The following ITGAE variants were observed in gnomAD, a reference collection of about 807,000 sequenced individuals.
ITGAE encodes the protein integrin alpha-E.
ITGAE carries 99 observed loss-of-function variants against 136.5 expected under a neutral mutation model. The observed-to-expected ratio is 0.73, with a 90% CI of 0.62 to 0.86. The LOEUF is 0.86. ITGAE is among the 40% of genes least tolerant of loss of function. The pLI, the probability that ITGAE is intolerant of heterozygous loss-of-function variation, is 0.00. For synonymous variants in ITGAE, 613 were observed against 591.8 expected (o/e 1.04, Z -0.52); for missense variants, 1,447 against 1,515.3 (o/e 0.95, Z 0.75).
At chr17:3,719,184 C>T (rs758437051) in intron 29 of ITGAE, among the ~76,000 whole-genome samples, 8 of 136,338 alleles carry the variant, frequency 5.9e-5, no homozygotes, top group Non-Finnish European at 1.2e-4. Context: ...TGCAGTGAGC[C>T]GAGATGGCAC....
intron 10 of ITGAE, 85 bp from the exon 11 acceptor site, chr17:3,755,982 C>T: frequency 7.6e-7 from 1 of 1,313,564 alleles, no homozygotes; most frequent in Non-Finnish European, 1.1e-6. Flanking sequence ...CTTGGCCTCA[C>T]TCCCAGAAGG....
intron 2 of ITGAE, among the ~76,000 whole-genome samples, chr17:3,770,276 T>C (rs1385051790): frequency 2.0e-5 from 3 of 151,474 alleles, no homozygotes; most frequent in African/African-American, 4.8e-5. Flanking sequence ...CCTGCCACCA[T>C]GCCCAGCTAA....
At chr17:3,747,649 G>A (rs1368474142) in intron 17 of ITGAE, among the ~76,000 whole-genome samples, 2 of 152,042 alleles carry the variant, frequency 1.3e-5, no homozygotes, top group Non-Finnish European at 2.9e-5. Flanking sequence ...CTTCAACCCT[G>A]AGGAAGGGCC....
chr17:3,784,165 C>T (rs907043618), intron 1 of ITGAE, among the ~76,000 whole-genome samples: 4 of 151,924 alleles, frequency 2.6e-5, no homozygotes, highest in African/African-American at 7.2e-5. Flanking sequence ...GAGGTTGAGG[C>T]AGGAGAATGG....
chr17:3,753,757 GGGT>G, intron 13 of ITGAE, 23 bp downstream of exon 13: 16 of 1,613,492 alleles, frequency 9.9e-6, no homozygotes, highest in Non-Finnish European at 1.3e-5. Context: ...CGGTCATAAG[GGGT>G]GGAGGCTTTC....
chr17:3,773,489 G>GA lies in ITGAE; in HGVS notation c.155+4050dup, dbSNP rs796977327. 3.5e-3 allele frequency among the ~76,000 whole-genome samples: 433 copies of GA among 122,756 alleles called. 5 individuals are homozygous for GA. Among genetic ancestry groups the GA allele is most frequent in the African/African-American group, 0.012 (404 of 34,066 alleles). The allele number at this position is 122,756 out of a possible 152,430, so 80.5% of individuals were successfully genotyped here. Reference sequence around the variant, plus strand: ...GCAGAGCAAGACTCTGCCTCAAAAAGAAAAAAAAAAGATATTACAAAGGAT... The same window carrying GA: ...GCAGAGCAAGACTCTGCCTCAAAAAGAAAAAAAAAAAGATATTACAAAGGAT... On this transcript the variant is annotated intron_variant, in intron 2 of 30. Coordinates refer to ENST00000263087, the MANE Select transcript of ITGAE (RefSeq NM_002208.5).
intron 1 of ITGAE, chr17:3,784,415 A>T: frequency 4.4e-6 from 1 of 228,694 alleles, no homozygotes; most frequent in South Asian, 4.9e-5. Context: ...TTTTTTTTTG[A>T]GACGGAGTCT....
chr17:3,727,495 G>A (rs2051241281), intron 26 of ITGAE, among the ~76,000 whole-genome samples: 1 of 151,772 alleles, frequency 6.6e-6, no homozygotes, highest in African/African-American at 2.4e-5. Flanking sequence ...CGCCTCCCGG[G>A]CTCACACCAT....
At chr17:3,746,600 C>A (rs1057075013) in intron 17 of ITGAE, among the ~76,000 whole-genome samples, 1 of 152,044 alleles carries the variant, frequency 6.6e-6, no homozygotes, top group African/African-American at 2.4e-5. Flanking sequence ...GGACTACAGG[C>A]GCCCGCCACC....
intron 8 of ITGAE, among the ~76,000 whole-genome samples, chr17:3,758,319 C>T (rs1055574987): frequency 6.6e-5 from 10 of 152,144 alleles, no homozygotes; most frequent in African/African-American, 2.4e-5. Flanking sequence ...GATCATGGCT[C>T]ACTGCATCCT....
At chr17:3,724,856 G>A (rs2051168557) in intron 26 of ITGAE, 2 of 1,613,934 alleles carry the variant, frequency 1.2e-6, no homozygotes, top group Admixed American at 1.7e-5. Context: ...GGCTTCAAGA[G>A]GCCGTCCGGA....
intron 21 of ITGAE, among the ~76,000 whole-genome samples, chr17:3,733,463 C>T (rs1446600948): frequency 6.6e-6 from 1 of 152,134 alleles, no homozygotes; most frequent in Non-Finnish European, 1.5e-5. Context: ...GCTCTGTTGC[C>T]CAGGCTGGAG....
intron 1 of ITGAE, among the ~76,000 whole-genome samples, chr17:3,796,942 G>A (rs946027008): frequency 1.3e-5 from 2 of 151,912 alleles, no homozygotes; most frequent in Non-Finnish European, 2.9e-5. Context: ...AACACCCAGC[G>A]GGGCCTCGTG....
chr17:3,725,710 A>AT (rs1199479648), intron 26 of ITGAE: 8 of 1,574,144 alleles, frequency 5.1e-6, no homozygotes, highest in East Asian at 2.2e-5. Flanking sequence ...GACCGGCCTG[A>AT]TTTTTTTAAA....
At chr17:3,746,973 C>G (rs189022660) in intron 17 of ITGAE, among the ~76,000 whole-genome samples, 48 of 152,350 alleles carry the variant, frequency 3.2e-4, no homozygotes, top group Admixed American at 2.1e-3. Flanking sequence ...TGCTCTCTGA[C>G]TGTGGGAGGC....
intron 17 of ITGAE, among the ~76,000 whole-genome samples, chr17:3,747,681 G>A (rs2051750543): frequency 6.6e-6 from 1 of 152,044 alleles, no homozygotes; most frequent in Non-Finnish European, 1.5e-5. Flanking sequence ...CTTCCCAACA[G>A]TGTCAGCTCT....
chr17:3,796,856 G>A (rs1209305486), intron 1 of ITGAE, among the ~76,000 whole-genome samples: 1 of 152,140 alleles, frequency 6.6e-6, no homozygotes, highest in African/African-American at 2.4e-5. Flanking sequence ...GAGGCCCATG[G>A]GGCATGATTT....
chr17:3,783,755 G>A (rs2052715876), intron 1 of ITGAE, among the ~76,000 whole-genome samples: 1 of 152,168 alleles, frequency 6.6e-6, no homozygotes, highest in Non-Finnish European at 1.5e-5. Context: ...AACGACACTA[G>A]CTTCTGTATA....
intron 26 of ITGAE, chr17:3,725,253 T>C: frequency 6.2e-7 from 1 of 1,614,194 alleles, no homozygotes; most frequent in Non-Finnish European, 8.5e-7. Context: ...GCACTCCTCC[T>C]CTATGTATTT....
Sources: gnomAD v4.1 joint callset for allele counts (sites outside exome capture counted in the v4.1 genomes callset) on GRCh38, gnomAD v4.1.1 for gene constraint, MANE v1.5 for transcripts, NCBI Gene and HGNC (gene_info 2026-07-23, HGNC 2026-07-21) for gene names.